The following LYRM4 variants were observed in gnomAD, a reference collection of about 807,000 sequenced individuals.
LYRM4 encodes the protein LYR motif containing 4, also known as LYR motif-containing protein 4.
A neutral mutation model predicts 11.7 loss-of-function variants in LYRM4; 9 were observed. The observed-to-expected ratio is 0.77, with a 90% CI of 0.46 to 1.34. The LOEUF (loss-of-function observed/expected upper bound fraction) is 1.34, where lower values mean the gene tolerates loss of function less well. LYRM4 is among the 40% of genes most tolerant of loss of function. LYRM4 has a pLI of 0.00. For synonymous variants in LYRM4, 42 were observed against 40.4 expected (o/e 1.04, Z -0.15); for missense variants, 133 against 112.5 (o/e 1.18, Z -0.82).
At chr6:5,257,041 T>G (rs980961540) in intron 1 of LYRM4, among the ~76,000 whole-genome samples, 1 of 152,182 alleles carries the variant, frequency 6.6e-6, no homozygotes, top group East Asian at 1.9e-4. Flanking sequence ...ATCTCTACTC[T>G]GCACTGTTGT....
At chr6:5,091,782 T>C in the LYRM4 span, among the ~76,000 whole-genome samples, 1 of 152,218 alleles carries the variant, frequency 6.6e-6, no homozygotes, top group Non-Finnish European at 1.5e-5. Context: ...CAGAGCAAGT[T>C]CAACCAGAAA....
At chr6:5,034,769 T>TTTTTTTTTTTTTTTTG in the LYRM4 span, 1 of 12,992 alleles carries the variant, frequency 7.7e-5, no homozygotes. Context: ...TTTTTTTTTT[T>TTTTTTTTTTTTTTTTG]TCAAAAAGCG....
chr6:5,218,368 G>C lies in LYRM4; in HGVS notation c.87-1630C>G, dbSNP rs78365429. On this transcript the variant is annotated intron_variant, in intron 1 of 2. Coordinates refer to ENST00000330636, the MANE Select transcript of LYRM4 (RefSeq NM_020408.6). ...AAATTTCCTTGGGAGCAGCGCGGAGGGGGTGTTGGGAGCTCATATAACTTA... is the reference window on the plus strand; with the variant it reads ...AAATTTCCTTGGGAGCAGCGCGGAGCGGGTGTTGGGAGCTCATATAACTTA... 4.0e-5 allele frequency: 39 copies of C among 984,972 alleles called. 1 individual carries two copies. The Admixed American group carries it at 1.3e-3, about 33-fold the overall frequency. The allele number at this position is 984,972 out of a possible 1,614,324, so 61.0% of individuals were successfully genotyped here.
At chr6:5,139,570 A>C (rs1757292471) in intron 2 of LYRM4, among the ~76,000 whole-genome samples, 1 of 152,208 alleles carries the variant, frequency 6.6e-6, no homozygotes, top group Non-Finnish European at 1.5e-5. Context: ...GCCTCTTTAC[A>C]TATTTTAAAG....
At chr6:5,245,105 AAAAAAAAAATATATAT>A (rs1764093732) in intron 1 of LYRM4, among the ~76,000 whole-genome samples, 5 of 56,780 alleles carry the variant, frequency 8.8e-5, no homozygotes, top group South Asian at 6.9e-4. Flanking sequence ...AAAAAAAAAA[AAAAAAAAAATATATAT>A]ATATATATAT....
At chr6:5,097,085 A>T in the LYRM4 span, among the ~76,000 whole-genome samples, 19 of 152,374 alleles carry the variant, frequency 1.2e-4, no homozygotes, top group South Asian at 1.7e-3. Flanking sequence ...TTCATGTCTT[A>T]TAGTTATGGA....
chr6:5,220,371 C>T (rs1762515359), intron 1 of LYRM4, among the ~76,000 whole-genome samples: 1 of 152,194 alleles, frequency 6.6e-6, no homozygotes, highest in Non-Finnish European at 1.5e-5. Flanking sequence ...TTTCTGTCAT[C>T]TTCATCAGCA....
intron 2 of LYRM4, among the ~76,000 whole-genome samples, chr6:5,135,800 C>G (rs2746232): frequency 0.18 from 27,332 of 152,146 alleles, 3,237 homozygotes; most frequent in African/African-American, 0.34. Context: ...AAGTGTACAG[C>G]TCTGTGGCAT....
the LYRM4 span, chr6:5,066,782 G>T: frequency 1.4e-6 from 1 of 732,442 alleles, no homozygotes. Context: ...AGTCTAAGAT[G>T]GAGTTTAACA....
intron 1 of LYRM4, among the ~76,000 whole-genome samples, chr6:5,225,324 TCGCC>T (rs1249216721): frequency 1.3e-5 from 2 of 152,062 alleles, no homozygotes; most frequent in Middle Eastern, 3.4e-3. Flanking sequence ...GGAAAATCAT[TCGCC>T]CTCTCATTCC....
chr6:5,144,653 A>AAAAAAAAAAAT (rs1757609576), intron 2 of LYRM4, among the ~76,000 whole-genome samples: 1 of 150,328 alleles, frequency 6.7e-6, no homozygotes, highest in Non-Finnish European at 1.5e-5. Context: ...AAAAAAAAAA[A>AAAAAAAAAAAT]AAGAAATACG....
intron 1 of LYRM4, among the ~76,000 whole-genome samples, chr6:5,233,372 T>C (rs1002456539): frequency 6.6e-6 from 1 of 152,194 alleles, no homozygotes; most frequent in Admixed American, 6.5e-5. Flanking sequence ...CTTATTCCCT[T>C]TACTCCCAAA....
chr6:5,096,562 T>TG, the LYRM4 span, among the ~76,000 whole-genome samples: 1 of 152,112 alleles, frequency 6.6e-6, no homozygotes, highest in Non-Finnish European at 1.5e-5. Context: ...CCCTTAGCTA[T>TG]GGGGGAGGTG....
the LYRM4 span, among the ~76,000 whole-genome samples, chr6:5,052,992 T>C: frequency 3.9e-5 from 6 of 152,162 alleles, no homozygotes; most frequent in Non-Finnish European, 5.9e-5. Context: ...GTCTCTTATA[T>C]TATGGAGCCA....
chr6:5,086,277 G>T, the LYRM4 span: 3 of 1,535,440 alleles, frequency 2.0e-6, no homozygotes, highest in Admixed American at 3.9e-5. Context: ...TGGACGTGCC[G>T]GCTGAGCTGC....
At chr6:5,056,162 G>A in the LYRM4 span, among the ~76,000 whole-genome samples, 15 of 152,102 alleles carry the variant, frequency 9.9e-5, no homozygotes, top group Non-Finnish European at 1.5e-4. Context: ...CACCGTGCCT[G>A]CCTGGCTTTT....
At chr6:5,231,622 G>A (rs1478967215) in intron 1 of LYRM4, among the ~76,000 whole-genome samples, 1 of 152,170 alleles carries the variant, frequency 6.6e-6, no homozygotes, top group Admixed American at 6.5e-5. Context: ...CCCTGTTGCA[G>A]AGAAGTGGCA....
chr6:5,233,524 C>A, intron 1 of LYRM4, among the ~76,000 whole-genome samples: 1 of 152,204 alleles, frequency 6.6e-6, no homozygotes, highest in East Asian at 1.9e-4. Context: ...CTGATCTGCA[C>A]AAAACTTCTA....
chr6:5,061,072 C>A, the LYRM4 span, among the ~76,000 whole-genome samples: 1 of 152,154 alleles, frequency 6.6e-6, no homozygotes, highest in Non-Finnish European at 1.5e-5. Flanking sequence ...CTCTCAGGTC[C>A]TTCACACAGG....
Sources: gnomAD v4.1 joint callset for allele counts (sites outside exome capture counted in the v4.1 genomes callset) on GRCh38, gnomAD v4.1.1 for gene constraint, MANE v1.5 for transcripts, NCBI Gene and HGNC (gene_info 2026-07-23, HGNC 2026-07-21) for gene names.